The following SLC67A2 variants were observed in gnomAD, a reference collection of about 807,000 sequenced individuals.
SLC67A2 encodes solute carrier family 67 member 2, also known as solute carrier family 67 member A2.
the SLC67A2 span, chr2:102,719,318 T>C: frequency 8.7e-6 from 9 of 1,030,442 alleles, no homozygotes; most frequent in Non-Finnish European, 1.3e-5. Context: ...TATATTTTGG[T>C]ACTAAATTTA....
At chr2:102,723,719 C>G in the SLC67A2 span, 4 of 1,614,074 alleles carry the variant, frequency 2.5e-6, no homozygotes, top group South Asian at 4.4e-5. Flanking sequence ...GAATGAAGAC[C>G]AAAAAGCAGA....
the SLC67A2 span, among the ~76,000 whole-genome samples, chr2:102,725,101 T>C: frequency 6.6e-6 from 1 of 152,054 alleles, no homozygotes; most frequent in East Asian, 1.9e-4. Context: ...CTTTCAGAGG[T>C]TGGGGTGGTG....
the SLC67A2 span, among the ~76,000 whole-genome samples, chr2:102,721,661 G>T: frequency 6.6e-6 from 1 of 151,264 alleles, no homozygotes; most frequent in Non-Finnish European, 1.5e-5. Flanking sequence ...ATAGTCCTGT[G>T]TGTGTGTGTG....
At chr2:102,718,999 A>T in the SLC67A2 span, 1 of 1,614,244 alleles carries the variant, frequency 6.2e-7, no homozygotes, top group Non-Finnish European at 8.5e-7. Context: ...ACATTTCGGA[A>T]AACAGCAGGT....
At chr2:102,720,937 C>G in the SLC67A2 span, among the ~76,000 whole-genome samples, 1 of 152,310 alleles carries the variant, frequency 6.6e-6, no homozygotes, top group African/African-American at 2.4e-5. Flanking sequence ...CACTGAATGG[C>G]CAAAGCCCTG....
the SLC67A2 span, chr2:102,718,321 C>T: frequency 7.0e-7 from 1 of 1,426,100 alleles, no homozygotes; most frequent in African/African-American, 1.4e-5. Context: ...GAAATATTTC[C>T]CTTCCACCCC....
chr2:102,720,844 C>T, the SLC67A2 span, among the ~76,000 whole-genome samples: 150 of 152,216 alleles, frequency 9.9e-4, no homozygotes, highest in African/African-American at 3.4e-3. Flanking sequence ...GGAGTAAAAG[C>T]GTTGACGAAA....
chr2:102,730,564 A>T, the SLC67A2 span, among the ~76,000 whole-genome samples: 4 of 149,400 alleles, frequency 2.7e-5, no homozygotes, highest in African/African-American at 9.9e-5. Flanking sequence ...TTTTTTTGAG[A>T]CAGAGTCTCG....
At chr2:102,729,622 T>C in the SLC67A2 span, among the ~76,000 whole-genome samples, 2 of 152,198 alleles carry the variant, frequency 1.3e-5, no homozygotes, top group Non-Finnish European at 2.9e-5. Context: ...TTTACCATTT[T>C]ATATCATTAA....
chr2:102,715,809 C>G, the SLC67A2 span: 1 of 152,134 alleles, frequency 6.6e-6, no homozygotes, highest in African/African-American at 2.4e-5. Context: ...AGAAGTTACT[C>G]AAGAGAATTT....
chr2:102,736,210 G>A, the SLC67A2 span, among the ~76,000 whole-genome samples: 1 of 152,098 alleles, frequency 6.6e-6, no homozygotes, highest in Admixed American at 6.5e-5. Context: ...TCCAAGCGGG[G>A]TCAAGAGCGG....
the SLC67A2 span, among the ~76,000 whole-genome samples, chr2:102,729,054 G>A: frequency 6.6e-6 from 1 of 152,076 alleles, no homozygotes; most frequent in Non-Finnish European, 1.5e-5. Flanking sequence ...ATAAAGATTT[G>A]TTCTCAAAAT....
At chr2:102,721,705 A>G in the SLC67A2 span, among the ~76,000 whole-genome samples, 1 of 151,128 alleles carries the variant, frequency 6.6e-6, no homozygotes, top group African/African-American at 2.5e-5. Flanking sequence ...CTGTATGTAT[A>G]TATGTATGTC....
chr2:102,729,504 A>G, the SLC67A2 span, among the ~76,000 whole-genome samples: 1 of 152,252 alleles, frequency 6.6e-6, no homozygotes, highest in Non-Finnish European at 1.5e-5. Flanking sequence ...GTGTTTACTA[A>G]GATGTAACTC....
the SLC67A2 span, among the ~76,000 whole-genome samples, chr2:102,714,676 G>C: frequency 6.6e-6 from 1 of 151,966 alleles, no homozygotes; most frequent in Admixed American, 6.6e-5. Context: ...CATGTGACTG[G>C]CAAATTCAAG....
At chr2:102,736,494 G>A in the SLC67A2 span, 3 of 1,533,758 alleles carry the variant, frequency 2.0e-6, no homozygotes, top group East Asian at 2.4e-5. Flanking sequence ...GGGTGATAGG[G>A]CAAGAGGAGA....
the SLC67A2 span, among the ~76,000 whole-genome samples, chr2:102,729,548 C>A: frequency 6.6e-6 from 1 of 152,130 alleles, no homozygotes; most frequent in East Asian, 1.9e-4. Context: ...ACATGAAATA[C>A]GACATTCTGC....
chr2:102,724,170 A>G, the SLC67A2 span, among the ~76,000 whole-genome samples: 479 of 152,208 alleles, frequency 3.1e-3, 6 homozygotes, highest in African/African-American at 0.011. Context: ...CTGGCAATCA[A>G]GTCCCTTAAC....
At chr2:102,715,240 T>A in the SLC67A2 span, among the ~76,000 whole-genome samples, 1 of 152,202 alleles carries the variant, frequency 6.6e-6, no homozygotes, top group Non-Finnish European at 1.5e-5. Flanking sequence ...GCAGGAATTC[T>A]TCCGTCATTC....
Sources: allele counts gnomAD v4.1 joint callset (sites outside exome capture counted in the v4.1 genomes callset), GRCh38; gene constraint gnomAD v4.1.1; transcripts MANE v1.5; gene names NCBI Gene and HGNC (gene_info 2026-07-23, HGNC 2026-07-21).